The following HAUS5 variants were observed in gnomAD, a reference collection of about 807,000 sequenced individuals.
HAUS5 encodes the protein HAUS augmin like complex subunit 5, also known as HAUS augmin-like complex subunit 5.
In HAUS5, 67 loss-of-function variants were observed where a neutral mutation model predicts 94.1. The ratio of observed to expected loss-of-function variants is 0.71; its 90% CI spans 0.58 to 0.87. The LOEUF (loss-of-function observed/expected upper bound fraction) is 0.87. Ranked by LOEUF, HAUS5 falls within the 40% of genes least tolerant of loss-of-function variation. HAUS5 has a pLI of 0.00. For synonymous variants in HAUS5, 339 were observed against 355.4 expected (o/e 0.95, Z 0.52); for missense variants, 739 against 825.6 (o/e 0.90, Z 1.29).
chr19:35,614,193 G>C, intron 4 of HAUS5, 134 bp downstream of exon 4: 1 of 791,408 alleles, frequency 1.3e-6, no homozygotes, highest in Middle Eastern at 2.4e-4. Flanking sequence ...CATCCTCATA[G>C]GGCTTAAAGT....
chr19:35,614,274 C>T, intron 4 of HAUS5: 1 of 606,116 alleles, frequency 1.6e-6, no homozygotes, highest in Non-Finnish European at 2.9e-6. Context: ...TTGGGAGGCT[C>T]ACCTGAGGCC....
In HAUS5 at chr19:35,613,865, T is replaced by G. The variant is rs1568326819; in HGVS notation, c.162-3T>G. 1 of 1,614,140 alleles carries G rather than the reference T, an allele frequency of 6.2e-7. No individual in the cohort carries two copies. ...AACTCCTCTTTCTGCCTCTGCACTG[T>G]AGGACTGTCAAGAAGATCCGGGGAA... On this transcript the variant is annotated splice_region_variant and splice_polypyrimidine_tract_variant and intron_variant, in intron 2 of 18. Transcript: ENST00000203166.
At chr19:35,613,356 C>G (rs953270121) in intron 1 of HAUS5, among the ~76,000 whole-genome samples, 1 of 152,112 alleles carries the variant, frequency 6.6e-6, no homozygotes, top group Non-Finnish European at 1.5e-5. Flanking sequence ...CGCTCCCCCA[C>G]CACCCGCCTT....
At chr19:35,622,455 C>G in intron 17 of HAUS5, 146 bp from the exon 18 acceptor site, 1 of 823,860 alleles carries the variant, frequency 1.2e-6, no homozygotes, top group East Asian at 2.6e-5. Flanking sequence ...GACTTCCAGG[C>G]TGGGAAGAGA....
chr19:35,613,811 G>A lies in HAUS5; in HGVS notation c.161+19G>A. On this transcript the variant is annotated intron_variant, in intron 2 of 18. Coordinates refer to ENST00000203166, the MANE Select transcript of HAUS5 (RefSeq NM_015302.2). ...GTCAGAGGTAAGCTGGGCTAGAGCA[G>A]GGGAGGGGGCACAGGTGAGGCCCAT... 1 of 1,614,132 alleles carries A rather than the reference G, an allele frequency of 6.2e-7. No homozygotes were observed. The highest frequency in any genetic ancestry group is 8.5e-7 in the Non-Finnish European group (1 of 1,179,970).
In HAUS5 at chr19:35,617,290, G is replaced by A; in HGVS notation, c.559G>A (p.Asp187Asn). The change falls in exon 8 of 19, where the codon GAT becomes AAT. Residue 187 changes from aspartate to asparagine, a missense_variant. Transcript: ENST00000203166. ...ALGLEPVVLR[D>N]VRTACTLRAQ... ...CCCTTCCTCCTCTTCTCCCTAGCGT[G>A]ATGTCCGAACAGCCTGCACCCTCCG... is the stretch of plus-strand genomic sequence containing the variant. The A allele has an allele frequency of 6.2e-7, 1 of 1,613,616 alleles. No individual in the cohort carries two copies. Among genetic ancestry groups the A allele is most frequent in the Non-Finnish European group, 8.5e-7 (1 of 1,179,540 alleles).
rs774633753 is a variant in HAUS5, at chr19:35,623,137, G to A, written c.*144G>A. ...CTGCAGTCCCCTCATGTGCTGTTCT[G>A]CTGCCCCACTCAGCTCCTGGACCCT... is the stretch of plus-strand genomic sequence containing the variant. On this transcript the variant is annotated 3_prime_UTR_variant, in exon 19 of 19. Coordinates refer to ENST00000203166, the MANE Select transcript of HAUS5 (RefSeq NM_015302.2). 4.1e-5 allele frequency: 26 copies of A among 632,706 alleles called. No homozygotes were observed. Among genetic ancestry groups the A allele is most frequent in the Non-Finnish European group, 5.8e-5 (21 of 359,062 alleles). The allele number at this position is 632,706 out of a possible 1,614,324, so 39.2% of individuals were successfully genotyped here. A position where few individuals can be genotyped will look rare whatever the true frequency, so the allele number is the denominator to read the frequency against.
In HAUS5 at chr19:35,619,765, C is replaced by T; in HGVS notation, c.1406+7C>T. On this transcript the variant is annotated splice_region_variant and intron_variant, in intron 15 of 18. Transcript: ENST00000203166. Reference sequence around the variant, plus strand: ...TGCGGCACAGGCCGGGAGAGTGAGACTGGGGCTGCCCCACCCCTGCCCTGC... The same window carrying T: ...TGCGGCACAGGCCGGGAGAGTGAGATTGGGGCTGCCCCACCCCTGCCCTGC... 1 of 1,539,200 alleles carries T rather than the reference C, an allele frequency of 6.5e-7. No homozygotes were observed. Among genetic ancestry groups the T allele is most frequent in the Non-Finnish European group, 8.8e-7 (1 of 1,141,580 alleles).
Position 35,619,773 on chromosome 19 carries a change from GC to G in HAUS5, c.1406+19del. On this transcript the variant is annotated intron_variant, in intron 15 of 18. Coordinates refer to ENST00000203166, the MANE Select transcript of HAUS5 (RefSeq NM_015302.2). ...AGGCCGGGAGAGTGAGACTGGGGCT[GC>G]CCCACCCCTGCCCTGCATCCCCTGC... 1 of 1,531,892 alleles carries G rather than the reference GC, an allele frequency of 6.5e-7. No individual in the cohort carries two copies. The highest frequency in any genetic ancestry group is 8.8e-7 in the Non-Finnish European group (1 of 1,137,776). The allele number at this position is 1,531,892 out of a possible 1,614,324, so 94.9% of individuals were successfully genotyped here. A position where few individuals can be genotyped will look rare whatever the true frequency, so the allele number is the denominator to read the frequency against.
intron 12 of HAUS5, 76 bp downstream of exon 12, chr19:35,618,775 T>A: frequency 1.3e-6 from 2 of 1,526,864 alleles, no homozygotes; most frequent in South Asian, 2.5e-5. Flanking sequence ...TTTTTCAGCC[T>A]CTGTGGCTCC....
In HAUS5 at chr19:35,614,056, A is replaced by G. The variant is rs367953538; in HGVS notation, c.216A>G (p.Pro72=). The part of the protein sequence containing the change: ...NLLWYGHQDS[P]QVRRKLELEA... ...CTAGGTATGGCCACCAGGACAGTCC[A>G]CAGGTGAGAAGCATATGCTACAAGA... Residue 72 remains proline (P), a synonymous_variant, in exon 4 of 19, where the codon CCA becomes CCG. Transcript: ENST00000203166. 12 of 1,613,630 alleles carry G rather than the reference A, an allele frequency of 7.4e-6. No individual in the cohort carries two copies. In the African/African-American group the frequency reaches 9.3e-5, roughly 13 times the overall value.
Position 35,619,724 on chromosome 19 carries a change from C to A in HAUS5, c.1372C>A (p.Leu458Met), listed in dbSNP as rs1250124517. Residue 458 changes from leucine (L) to methionine (M), a missense_variant, in exon 15 of 19, where the codon CTG becomes ATG. Coordinates refer to ENST00000203166, the MANE Select transcript of HAUS5 (RefSeq NM_015302.2). Reference protein sequence around the residue: ...EEEVRHLPHILLGTLLRHRPG... With the variant: ...EEEVRHLPHIMLGTLLRHRPG... ...GGAAGTCCGGCATTTGCCCCACATT[C>A]TGTTGGGCACGCTGCTGCGGCACAG... 6.4e-7 allele frequency: 1 copy of A among 1,565,564 alleles called. No homozygotes were observed. Among genetic ancestry groups the A allele is most frequent in the South Asian group, 1.2e-5 (1 of 85,244 alleles).
chr19:35,619,980 C>T, intron 15 of HAUS5, 32 bp from the exon 16 acceptor site: 7 of 1,603,978 alleles, frequency 4.4e-6, no homozygotes, highest in Non-Finnish European at 6.0e-6. Flanking sequence ...CCTCTCAGTC[C>T]CCACCCAACC....
In HAUS5 at chr19:35,623,028, C is replaced by T. The variant is rs1800785458; in HGVS notation, c.*35C>T. ...TCAAACGGAAGCCGAGAACTTGACA[C>T]TGTTCACCCCAACACCTCACCTCCC... On this transcript the variant is annotated 3_prime_UTR_variant, in exon 19 of 19. Transcript: ENST00000203166. 3.7e-6 allele frequency: 5 copies of T among 1,359,760 alleles called. No individual in the cohort carries two copies. Among genetic ancestry groups the T allele is most frequent in the South Asian group, 2.4e-5 (2 of 83,308 alleles). The allele number at this position is 1,359,760 out of a possible 1,614,324, so 84.2% of individuals were successfully genotyped here.
At chr19:35,619,313 C>T in intron 13 of HAUS5, 111 bp from the exon 14 acceptor site, 1 of 884,450 alleles carries the variant, frequency 1.1e-6, no homozygotes, top group Non-Finnish European at 1.8e-6. Context: ...AACTGGGCCT[C>T]CTAGGCAAGA....
Position 35,612,772 on chromosome 19 carries a change from G to A in HAUS5, c.-23G>A. On this transcript the variant is annotated 5_prime_UTR_variant, in exon 1 of 19. Coordinates refer to ENST00000203166, the MANE Select transcript of HAUS5 (RefSeq NM_015302.2). ...CACACTTGAAGAGGCTGAGGGAGGC[G>A]GTGTCGCCGCCGCGGCGCTGTCATG... 1.3e-6 allele frequency: 2 copies of A among 1,531,292 alleles called. No homozygotes were observed. Among genetic ancestry groups the A allele is most frequent in the Non-Finnish European group, 1.8e-6 (2 of 1,136,520 alleles). 94.9% of individuals were successfully genotyped at this position (1,531,292 alleles called of 1,614,324 possible).
In HAUS5 at chr19:35,620,214, C is replaced by T. The variant is rs1218753327; in HGVS notation, c.1538C>T (p.Pro513Leu). 2.5e-6 allele frequency: 4 copies of T among 1,613,586 alleles called. No homozygotes were observed. Among genetic ancestry groups the T allele is most frequent in the African/African-American group, 1.3e-5 (1 of 75,012 alleles). The change falls in exon 17 of 19, where the codon CCG (proline) becomes CTG (leucine). Residue 513 changes from proline (P) to leucine (L), a missense_variant. Physicochemically the swap from Pro to Leu is moderately conservative, Grantham distance 98 (BLOSUM62 -3). Transcript: ENST00000203166. ...CTCCAGGCCTCGGAGCTGCTCCTGC[C>T]GGCGGCTGCCTCTCTTCGCCAGGAC... ...PPGKASELLL[P>L]AAASLRQDLL...
chr19:35,615,216 T>C lies in HAUS5; in HGVS notation c.326-11T>C, dbSNP rs746597923. ...GAAAGGTGCTGATGGCCACCCCTGT[T>C]CCTCCCACAGACACGGCCATGGAGC... On this transcript the variant is annotated splice_polypyrimidine_tract_variant and intron_variant, in intron 5 of 18. Coordinates refer to ENST00000203166, the MANE Select transcript of HAUS5 (RefSeq NM_015302.2). 6.2e-7 allele frequency: 1 copy of C among 1,613,350 alleles called. No individual in the cohort carries two copies. The highest frequency in any genetic ancestry group is 1.3e-5 in the African/African-American group (1 of 74,878).
chr19:35,613,760 G>GGCCTACATCTTGCA lies in HAUS5; in HGVS notation c.132_145dup (p.His49ProfsTer35). On this transcript the variant is annotated frameshift_variant, in exon 2 of 19. Coordinates refer to ENST00000203166, the MANE Select transcript of HAUS5 (RefSeq NM_015302.2). LOFTEE classifies it high-confidence loss of function. The stretch of plus-strand genomic sequence containing the variant: ...GTCTGGGCCAGGGGGCTGACATCTG[G>GGCCTACATCTTGCA]GCCTACATCTTGCAGCATGTGCACA... The GGCCTACATCTTGCA allele has an allele frequency of 6.2e-7, 1 of 1,614,094 alleles. No homozygotes were observed. The highest frequency in any genetic ancestry group is 8.5e-7 in the Non-Finnish European group (1 of 1,180,012).
Sources: gnomAD v4.1 joint callset for allele counts (sites outside exome capture counted in the v4.1 genomes callset) on GRCh38, gnomAD v4.1.1 for gene constraint, MANE v1.5 for transcripts, NCBI Gene and HGNC (gene_info 2026-07-23, HGNC 2026-07-21) for gene names.